MCM8: variants seen among roughly 807,000 people sequenced by gnomAD.
The protein encoded by MCM8 is minichromosome maintenance 8 homologous recombination repair factor.
Under a neutral mutation model 98.9 loss-of-function variants are expected in MCM8, and 85 were observed. The ratio of observed to expected loss-of-function variants is 0.86; its 90% CI spans 0.72 to 1.03. MCM8 has a LOEUF of 1.03. Among genes scored for constraint, MCM8 ranks in the 50% least tolerant of loss-of-function variants. The pLI, the probability that MCM8 is intolerant of heterozygous loss-of-function variation, is 0.00. For synonymous variants in MCM8, 352 were observed against 338.6 expected (o/e 1.04, Z -0.44); for missense variants, 951 against 997.8 (o/e 0.95, Z 0.63).
chr20:5,988,970 A>G (rs887400744), intron 17 of MCM8, among the ~76,000 whole-genome samples: 2 of 152,138 alleles, frequency 1.3e-5, no homozygotes, highest in African/African-American at 4.8e-5. Flanking sequence ...GGCAGGTTAC[A>G]CACTGCTTCT....
chr20:5,991,876 TC>T (rs34294997), intron 17 of MCM8, among the ~76,000 whole-genome samples: 14,124 of 152,198 alleles, frequency 0.093, 746 homozygotes, highest in South Asian at 0.11. Flanking sequence ...AGTTTTCATC[TC>T]TTCAGCTTCG....
chr20:5,957,180 T>A lies in MCM8; in HGVS notation c.541T>A (p.Leu181Met). ...HAAELQAQEG[L>M]SNDGETMVNV... Reference sequence around the variant, plus strand: ...AGCTGAGTTACAAGCCCAGGAAGGATTGTCTAATGATGGAGAAACAATGGT... The same window carrying A: ...AGCTGAGTTACAAGCCCAGGAAGGAATGTCTAATGATGGAGAAACAATGGT... The change falls in exon 6 of 19, where the codon TTG becomes ATG. Residue 181 changes from leucine to methionine, a missense_variant. Leu to Met is a conservative substitution (Grantham distance 15). Transcript: ENST00000610722. 1 of 1,613,666 alleles carries A rather than the reference T, an allele frequency of 6.2e-7. No individual in the cohort carries two copies.
In MCM8 at chr20:5,978,020, G is replaced by A; in HGVS notation, c.1537+3G>A. The stretch of plus-strand genomic sequence containing the variant: ...TGCCCTGGTACTTGGTGATCAAGGT[G>A]AGAGGCCAAAGGGAATAATTAGTGA... On this transcript the variant is annotated splice_donor_region_variant and intron_variant, in intron 13 of 18. Transcript: ENST00000610722. 6.2e-7 allele frequency: 1 copy of A among 1,614,170 alleles called. No individual in the cohort carries two copies. The highest frequency in any genetic ancestry group is 8.5e-7 in the Non-Finnish European group (1 of 1,180,028).
Position 5,973,187 on chromosome 20 carries a change from A to G in MCM8, c.1386A>G (p.Gln462=), listed in dbSNP as rs16991617. ...VVGDPGLGKS[Q]MLQAACNVAP... ...GAGATCCAGGCCTAGGAAAAAGTCA[A>G]ATGCTACAGGTAGACAATCAGTCAT... Residue 462 remains glutamine (Q), a synonymous_variant, in exon 12 of 19, where the codon CAA becomes CAG. Transcript: ENST00000610722. 98,416 of 1,613,920 alleles carry G rather than the reference A, an allele frequency of 0.061. 4,001 individuals are homozygous for G. The highest frequency in any genetic ancestry group is 0.24 in the East Asian group (10,717 of 44,854).
intron 10 of MCM8, among the ~76,000 whole-genome samples, chr20:5,968,370 C>A (rs2044377909): frequency 6.6e-6 from 1 of 152,066 alleles, no homozygotes; most frequent in South Asian, 2.1e-4. Context: ...CATGGTGAAA[C>A]CCTGTCTCTA....
rs1469349384 is a variant in MCM8 at position 5,954,710 on chromosome 20, A to T, written c.336+20A>T. On this transcript the variant is annotated intron_variant, in intron 4 of 18. Transcript: ENST00000610722. ...GACAAGGTAAGATTCCTCTACAGCA[A>T]AGCTACCAGTCATGTGCCATCTTAC... The T allele has an allele frequency of 7.1e-7, 1 of 1,405,880 alleles. No individual in the cohort carries two copies. The highest frequency in any genetic ancestry group is 1.0e-6 in the Non-Finnish European group (1 of 993,074). 87.1% of individuals were successfully genotyped at this position (1,405,880 alleles called of 1,614,324 possible).
At chr20:5,972,617 C>T (rs1221546091) in intron 11 of MCM8, 11 of 474,532 alleles carry the variant, frequency 2.3e-5, no homozygotes, top group Admixed American at 4.8e-5. Context: ...TACAGTGGTG[C>T]GATCTCAGCT....
At position 5,958,545 on chromosome 20, in the gene MCM8, C is replaced by T. The variant is rs1343626274; in HGVS notation, c.608C>T (p.Pro203Leu). ...GTCTTTAGGGTGTACAACTATGAGC[C>T]TTTGACACAGCTCAAGAATGTCAGA... is the stretch of plus-strand genomic sequence containing the variant. Reference protein sequence around the residue: ...HIHARVYNYEPLTQLKNVRAN... With the variant: ...HIHARVYNYELLTQLKNVRAN... Residue 203 changes from proline (P) to leucine (L), a missense_variant, in exon 7 of 19, where the codon CCT (proline) becomes CTT (leucine). Pro to Leu is a moderately conservative substitution (Grantham distance 98). Coordinates refer to ENST00000610722, the MANE Select transcript of MCM8 (RefSeq NM_032485.6). 3 of 1,613,806 alleles carry T rather than the reference C, an allele frequency of 1.9e-6. No homozygotes were observed. The African/African-American group carries it at 4.0e-5, about 22-fold the overall frequency.
chr20:5,994,523 A>G lies in MCM8; in HGVS notation c.*132A>G. 1.7e-6 allele frequency: 1 copy of G among 580,518 alleles called. No individual in the cohort carries two copies. The highest frequency in any genetic ancestry group is 3.0e-6 in the Non-Finnish European group (1 of 330,922). 36.0% of individuals were successfully genotyped at this position (580,518 alleles called of 1,614,324 possible). A position where few individuals can be genotyped will look rare whatever the true frequency, so the allele number is the denominator to read the frequency against. ...CACACACACACACACACACACACAC[A>G]GTCAAATACTGTTCTCTGAAAAATG... On this transcript the variant is annotated 3_prime_UTR_variant, in exon 19 of 19. Transcript: ENST00000610722.
chr20:5,971,951 C>T (rs1457567895), intron 10 of MCM8, 56 bp from the exon 11 acceptor site: 1 of 1,490,324 alleles, frequency 6.7e-7, no homozygotes, highest in Non-Finnish European at 9.3e-7. Flanking sequence ...GAGGAGATCT[C>T]CTAATGGATC....
At chr20:5,957,279 C>A in intron 6 of MCM8, 50 bp downstream of exon 6, 4 of 1,371,402 alleles carry the variant, frequency 2.9e-6, no homozygotes, top group East Asian at 2.4e-5. Flanking sequence ...ACATTGAAGG[C>A]CATTTAAGAA....
At chr20:5,988,500 A>G (rs2089779213) in intron 17 of MCM8, among the ~76,000 whole-genome samples, 1 of 151,724 alleles carries the variant, frequency 6.6e-6, no homozygotes, top group African/African-American at 2.4e-5. Flanking sequence ...GTTTCCTCCT[A>G]CTCAGCTTAA....
Position 5,958,469 on chromosome 20 carries a change from A to G in MCM8, c.591-59A>G, listed in dbSNP as rs1329955915. The G allele has an allele frequency of 1.1e-5, 15 of 1,352,746 alleles. No individual in the cohort carries two copies. In the Middle Eastern group the frequency reaches 1.1e-3, roughly 103 times the overall value. 83.8% of individuals were successfully genotyped at this position (1,352,746 alleles called of 1,614,324 possible). A position where few individuals can be genotyped will look rare whatever the true frequency, so the allele number is the denominator to read the frequency against. ...AATTCCATAGTTGCTCCTAAAAGGA[A>G]CTTGTGAAAATATAAAAAACATCAA... On this transcript the variant is annotated intron_variant, in intron 6 of 18. Coordinates refer to ENST00000610722, the MANE Select transcript of MCM8 (RefSeq NM_032485.6).
intron 16 of MCM8, among the ~76,000 whole-genome samples, chr20:5,986,352 CAACTT>C (rs1234307618): frequency 9.2e-5 from 14 of 152,002 alleles, no homozygotes; most frequent in African/African-American, 3.4e-4. Context: ...ACTTAGCATG[CAACTT>C]TTCTTTTGTT....
Position 5,984,948 on chromosome 20 carries a change from A to C in MCM8, c.1901A>C (p.Asn634Thr), listed in dbSNP as rs2089699905. 2 of 1,614,146 alleles carry C rather than the reference A, an allele frequency of 1.2e-6. No individual in the cohort carries two copies. The highest frequency in any genetic ancestry group is 2.2e-5 in the South Asian group (2 of 91,086). ...GCTCGTATGAATAGTCAAGATTCAA[A>C]TACTTCCGTACTTGAAGTAGTTTCT... Reference protein sequence around the residue: ...TVARMNSQDSNTSVLEVVSEK... With the variant: ...TVARMNSQDSTTSVLEVVSEK... The change falls in exon 15 of 19, where the codon AAT becomes ACT. Residue 634 changes from asparagine (N) to threonine (T), a missense_variant. Physicochemically the swap from Asn to Thr is moderately conservative, Grantham distance 65. Transcript: ENST00000610722.
intron 7 of MCM8, 104 bp from the exon 8 acceptor site, chr20:5,963,170 C>A: frequency 1.2e-6 from 1 of 858,172 alleles, no homozygotes; most frequent in Non-Finnish European, 1.9e-6. Flanking sequence ...CATCCTGAGA[C>A]CAACTTTTAA....
intron 10 of MCM8, among the ~76,000 whole-genome samples, chr20:5,970,230 C>G (rs1489761421): frequency 2.0e-5 from 3 of 152,210 alleles, no homozygotes; most frequent in Admixed American, 6.5e-5. Flanking sequence ...GCTGAAAATA[C>G]TTTCTGGCCC....
At chr20:5,983,705 A>C (rs950595446) in intron 14 of MCM8, among the ~76,000 whole-genome samples, 3 of 152,180 alleles carry the variant, frequency 2.0e-5, no homozygotes, top group Non-Finnish European at 4.4e-5. Context: ...ATGTCAAAAA[A>C]AAAAGAAAAA....
At chr20:5,963,252 G>C in intron 7 of MCM8, 22 bp from the exon 8 acceptor site, 1 of 1,559,248 alleles carries the variant, frequency 6.4e-7, no homozygotes, top group Non-Finnish European at 8.8e-7. Context: ...ATCTGAATGT[G>C]AATTACTTTT....
Sources: gnomAD v4.1 joint callset for allele counts (sites outside exome capture counted in the v4.1 genomes callset) on GRCh38, gnomAD v4.1.1 for gene constraint, MANE v1.5 for transcripts, NCBI Gene and HGNC (gene_info 2026-07-23, HGNC 2026-07-21) for gene names.